The following ANAPC1 variants were observed in gnomAD, a reference collection of about 807,000 sequenced individuals.
The protein encoded by ANAPC1 is anaphase promoting complex subunit 1, also known as anaphase-promoting complex subunit 1.
Under a neutral mutation model 208.0 loss-of-function variants are expected in ANAPC1, and 36 were observed. The observed-to-expected ratio is 0.17, with a 90% confidence interval of 0.13 to 0.23. ANAPC1 has a LOEUF of 0.23. Ranked by LOEUF, ANAPC1 falls within the 10% of genes least tolerant of loss-of-function variation. The probability of loss-of-function intolerance (pLI) is 1.00; values close to 1 mark genes in which losing one functional copy is unlikely to be tolerated. For synonymous variants in ANAPC1, 378 were observed against 695.2 expected (o/e 0.54, Z 7.18); for missense variants, 942 against 2,011.6 (o/e 0.47, Z 10.17).
At chr2:111,846,542 T>C (rs1263480092) in intron 16 of ANAPC1, among the ~76,000 whole-genome samples, 1,290 of 53,086 alleles carry the variant, frequency 0.024, 38 homozygotes, top group African/African-American at 0.12. Flanking sequence ...TACATATATA[T>C]ATATATATAT....
intron 6 of ANAPC1, among the ~76,000 whole-genome samples, chr2:111,869,072 C>A (rs1190110573): frequency 6.6e-6 from 1 of 152,128 alleles, no homozygotes; most frequent in Non-Finnish European, 1.5e-5. Flanking sequence ...TACTTAATAC[C>A]TACTAGGCCC....
At position 111,843,519 on chromosome 2, in the gene ANAPC1, G is replaced by A. The variant is rs756026937; in HGVS notation, c.1933C>T (p.His645Tyr). The A allele has an allele frequency of 6.2e-7, 1 of 1,611,920 alleles. No individual in the cohort carries two copies. Among genetic ancestry groups the A allele is most frequent in the Non-Finnish European group, 8.5e-7 (1 of 1,179,818 alleles). ...TAACTGGGTCCTCCTGGAGCACTGT[G>A]GACATTGTACCACTTGACAAGCATC... ...VQMLVKWYNV[H>Y]SAPGGPSYHS... Residue 645 changes from histidine (H) to tyrosine (Y), a missense_variant, in exon 17 of 48, where the codon CAC becomes TAC. By Grantham distance (83) the His-to-Tyr change is moderately conservative. Transcript: ENST00000341068.
chr2:111,806,745 A>G (rs1678696243), intron 29 of ANAPC1, among the ~76,000 whole-genome samples: 1 of 151,898 alleles, frequency 6.6e-6, no homozygotes, highest in African/African-American at 2.4e-5. Flanking sequence ...TAGAAGTCTG[A>G]CTGGATACAA....
At chr2:111,865,055 C>G (rs1445097894) in intron 7 of ANAPC1, 104 bp from the exon 8 acceptor site, 5 of 1,249,484 alleles carry the variant, frequency 4.0e-6, no homozygotes, top group Non-Finnish European at 5.4e-6. Flanking sequence ...AACAACCAAG[C>G]CAAAGAGAGC....
chr2:111,802,374 T>C, intron 33 of ANAPC1, 54 bp downstream of exon 33: 8 of 979,706 alleles, frequency 8.2e-6, no homozygotes, highest in African/African-American at 1.6e-5. Flanking sequence ...ACAAGCTAAG[T>C]TTAAGAACCA....
rs1677097930 is a variant in ANAPC1, at chr2:111,778,369, G to A, written c.5385+306C>T. ...TACAAAGAGGCATTGCCAGGAGGGAGGCAAAAATAAGATGGGAGAGAGGAA... is the reference window on the plus strand; with the variant it reads ...TACAAAGAGGCATTGCCAGGAGGGAAGCAAAAATAAGATGGGAGAGAGGAA... On this transcript the variant is annotated intron_variant, in intron 45 of 47. Transcript: ENST00000341068. 4.6e-5 allele frequency among the ~76,000 whole-genome samples: 7 copies of A among 151,504 alleles called. No homozygotes were observed. In the South Asian group the frequency reaches 1.5e-3, roughly 32 times the overall value.
Position 111,767,806 on chromosome 2 carries a change from C to T in ANAPC1, c.*1485G>A, listed in dbSNP as rs1258673611. On this transcript the variant is annotated 3_prime_UTR_variant, in exon 48 of 48. Coordinates refer to ENST00000341068, the MANE Select transcript of ANAPC1 (RefSeq NM_022662.4). The stretch of plus-strand genomic sequence containing the variant: ...TTTTAATTAGAAGAAAACTATGTAA[C>T]TGTGAAGAGAAGCACATTTCAGCCT... 1 of 152,130 alleles carries T rather than the reference C, an allele frequency of 6.6e-6. No individual in the cohort carries two copies. The highest frequency in any genetic ancestry group is 2.4e-5 in the African/African-American group (1 of 41,416). The allele number at this position is 152,130 out of a possible 1,614,324, so 9.4% of individuals were successfully genotyped here.
chr2:111,878,675 T>C (rs1683141928), intron 3 of ANAPC1, 135 bp downstream of exon 3: 2 of 1,309,010 alleles, frequency 1.5e-6, no homozygotes, highest in Admixed American at 2.7e-5. Flanking sequence ...CACATTATAT[T>C]ATGTCATGTT....
At chr2:111,863,983 G>A in intron 8 of ANAPC1, 88 bp from the exon 9 acceptor site, 1 of 1,424,010 alleles carries the variant, frequency 7.0e-7, no homozygotes, top group Non-Finnish European at 9.3e-7. Context: ...GCAAGTTGAA[G>A]TCAGTTACTA....
At chr2:111,771,958 T>G (rs1386667176) in intron 47 of ANAPC1, among the ~76,000 whole-genome samples, 1 of 150,284 alleles carries the variant, frequency 6.7e-6, no homozygotes, top group Admixed American at 6.6e-5. Context: ...ATTAGGTATT[T>G]ATTAGTTGTA....
chr2:111,861,366 C>T (rs1012579509), intron 10 of ANAPC1, among the ~76,000 whole-genome samples: 7 of 152,198 alleles, frequency 4.6e-5, no homozygotes, highest in African/African-American at 1.4e-4. Context: ...TGAGCCACTG[C>T]GCCTAGGAAG....
At chr2:111,773,998 G>C (rs968493826) in intron 46 of ANAPC1, among the ~76,000 whole-genome samples, 6 of 150,968 alleles carry the variant, frequency 4.0e-5, no homozygotes, top group African/African-American at 1.5e-4. Flanking sequence ...ATGGAGATGA[G>C]AAAAAGCAAG....
Position 111,824,863 on chromosome 2 carries a change from A to G in ANAPC1, c.2812+103T>C, listed in dbSNP as rs557062023. The G allele has an allele frequency of 4.0e-4, 474 of 1,199,752 alleles. 7 individuals are homozygous for G. The South Asian group carries it at 5.9e-3, about 15-fold the overall frequency. 74.3% of individuals were successfully genotyped at this position (1,199,752 alleles called of 1,614,324 possible). A position where few individuals can be genotyped will look rare whatever the true frequency, so the allele number is the denominator to read the frequency against. ...GATGAACCATAATCTCAATCTTGTG[A>G]GGCCTTTTCACAAAGCCAGAGCCCC... On this transcript the variant is annotated intron_variant, in intron 24 of 47. Transcript: ENST00000341068.
At chr2:111,852,731 C>G (rs1168868922) in intron 13 of ANAPC1, among the ~76,000 whole-genome samples, 1 of 151,652 alleles carries the variant, frequency 6.6e-6, no homozygotes, top group Non-Finnish European at 1.5e-5. Context: ...GTTTTACGTA[C>G]TTAAATGGTT....
intron 46 of ANAPC1, among the ~76,000 whole-genome samples, chr2:111,775,128 T>C (rs1676936751): frequency 6.6e-6 from 1 of 152,096 alleles, no homozygotes; most frequent in African/African-American, 2.4e-5. Context: ...TAGCTGGGTG[T>C]GGTGGCGTGC....
intron 3 of ANAPC1, among the ~76,000 whole-genome samples, chr2:111,874,998 T>C (rs1473817916): frequency 6.6e-6 from 1 of 152,198 alleles, no homozygotes; most frequent in African/African-American, 2.4e-5. Flanking sequence ...GTGTAACTTT[T>C]TGAGAAATCG....
chr2:111,829,576 C>T (rs1461832203), intron 21 of ANAPC1, among the ~76,000 whole-genome samples: 1 of 152,100 alleles, frequency 6.6e-6, no homozygotes, highest in Non-Finnish European at 1.5e-5. Context: ...CCTTATTCAC[C>T]GTTACAGCCC....
At chr2:111,874,378 G>T (rs772133193) in intron 3 of ANAPC1, among the ~76,000 whole-genome samples, 1 of 151,980 alleles carries the variant, frequency 6.6e-6, no homozygotes, top group Non-Finnish European at 1.5e-5. Flanking sequence ...CACATTTCCA[G>T]AACTTTTTCC....
At position 111,777,074 on chromosome 2, in the gene ANAPC1, G is replaced by A; in HGVS notation, c.5386-17C>T. On this transcript the variant is annotated splice_polypyrimidine_tract_variant and intron_variant, in intron 45 of 47. Transcript: ENST00000341068. ...TCTTATAGCCTTGAAGAGGAAAGAGGACAACAATCTATTTAATCAAAGAGT... is the reference window on the plus strand; with the variant it reads ...TCTTATAGCCTTGAAGAGGAAAGAGAACAACAATCTATTTAATCAAAGAGT... 2.2e-6 allele frequency: 1 copy of A among 461,796 alleles called. No individual in the cohort carries two copies. Among genetic ancestry groups the A allele is most frequent in the Non-Finnish European group, 4.0e-6 (1 of 252,138 alleles). The allele number at this position is 461,796 out of a possible 1,614,324, so 28.6% of individuals were successfully genotyped here. A position where few individuals can be genotyped will look rare whatever the true frequency, so the allele number is the denominator to read the frequency against.
Sources: allele counts gnomAD v4.1 joint callset (sites outside exome capture counted in the v4.1 genomes callset), GRCh38; gene constraint gnomAD v4.1.1; transcripts MANE v1.5; gene names NCBI Gene and HGNC (gene_info 2026-07-23, HGNC 2026-07-21).